Variants in PCBP2 observed in about 807,000 individuals in gnomAD.
PCBP2 encodes the protein poly(rC) binding protein 2, also known as poly(rC)-binding protein 2.
In PCBP2, 4 loss-of-function variants were observed where a neutral mutation model predicts 50.1. The observed-to-expected ratio is 0.08, with a 90% CI of 0.04 to 0.18. PCBP2 has a LOEUF of 0.18. Ranked by LOEUF, PCBP2 falls within the 10% of genes least tolerant of loss-of-function variation. PCBP2 has a pLI of 1.00. For missense variants in PCBP2, 161 were observed against 474.3 expected, an observed-to-expected ratio of 0.34 and a Z score of 6.14; for synonymous variants, 179 against 168.0, an observed-to-expected ratio of 1.07 and a Z score of -0.51.
chr12:53,457,789 T>G (rs1592640127), intron 5 of PCBP2, among the ~76,000 whole-genome samples: 1 of 152,194 alleles, frequency 6.6e-6, no homozygotes, highest in Non-Finnish European at 1.5e-5. Context: ...GCCTAGAGAT[T>G]AGGCTAATAA....
chr12:53,455,213 T>G, intron 2 of PCBP2, 134 bp from the exon 3 acceptor site: 1 of 806,402 alleles, frequency 1.2e-6, no homozygotes, highest in South Asian at 1.9e-5. Context: ...AGCAGTCTGT[T>G]GGCTAGACAG....
intron 5 of PCBP2, 64 bp downstream of exon 5, chr12:53,456,065 C>A: frequency 9.8e-7 from 1 of 1,019,468 alleles, no homozygotes; most frequent in Non-Finnish European, 1.5e-6. Flanking sequence ...TGTTGATTTT[C>A]TAAGAGCTTT....
intron 3 of PCBP2, 32 bp downstream of exon 3, chr12:53,455,402 A>G (rs773220319): frequency 1.4e-5 from 23 of 1,613,856 alleles, no homozygotes; most frequent in African/African-American, 2.7e-5. Flanking sequence ...TTCAATTACC[A>G]TTTAGTAATT....
At chr12:53,452,588 C>T (rs1426819700) in intron 1 of PCBP2, among the ~76,000 whole-genome samples, 1 of 151,650 alleles carries the variant, frequency 6.6e-6, no homozygotes, top group Non-Finnish European at 1.5e-5. Context: ...TTCCCCCCTC[C>T]CCCCGCCTTT....
At chr12:53,456,252 A>C (rs1420891698) in intron 5 of PCBP2, among the ~76,000 whole-genome samples, 1 of 152,080 alleles carries the variant, frequency 6.6e-6, no homozygotes, top group Non-Finnish European at 1.5e-5. Context: ...CAGATAAACG[A>C]GGTCAGGAGT....
intron 5 of PCBP2, among the ~76,000 whole-genome samples, chr12:53,458,117 C>T (rs371549213): frequency 3.2e-4 from 49 of 151,418 alleles, no homozygotes; most frequent in East Asian, 9.8e-4. Context: ...TTAGTAGAGA[C>T]GGGGCTTCAC....
chr12:53,452,731 C>T (rs990459965), intron 1 of PCBP2: 11 of 151,982 alleles, frequency 7.2e-5, no homozygotes, highest in Admixed American at 1.3e-4. Flanking sequence ...CGCGGCTCCC[C>T]GCGGGGGTCA....
intron 1 of PCBP2, among the ~76,000 whole-genome samples, chr12:53,452,600 C>T (rs1350805732): frequency 6.6e-5 from 10 of 151,584 alleles, no homozygotes; most frequent in Admixed American, 6.6e-4. Context: ...CCCGCCTTTT[C>T]CCGGTGGCGG....
intron 2 of PCBP2, among the ~76,000 whole-genome samples, 166 bp from the exon 3 acceptor site, chr12:53,455,181 T>TG (rs1592632754): frequency 6.6e-6 from 1 of 152,238 alleles, no homozygotes; most frequent in East Asian, 1.9e-4. Flanking sequence ...TCCAATCTTT[T>TG]GGGGTAATAA....
Position 53,459,253 on chromosome 12 carries a change from GTGT to G in PCBP2, c.244-17_244-15del. On this transcript the variant is annotated splice_polypyrimidine_tract_variant and intron_variant, in intron 5 of 14. Transcript: ENST00000546463. ...AGTTTCCAGGGATCTGCTTATTGTG[GTGT>G]TCTTTCTTTCTGTAGGACATAAGCA... The G allele has an allele frequency of 6.3e-7, 1 of 1,585,892 alleles. No individual in the cohort carries two copies. The highest frequency in any genetic ancestry group is 1.4e-5 in the African/African-American group (1 of 73,986).
intron 11 of PCBP2, 69 bp from the exon 12 acceptor site, chr12:53,467,736 A>AT (rs1941919263): frequency 1.6e-6 from 2 of 1,231,874 alleles, no homozygotes; most frequent in Admixed American, 4.1e-5. Context: ...GCTTTTCTGT[A>AT]TAAGGAATAA....
chr12:53,463,560 T>C (rs1249498559), intron 8 of PCBP2, among the ~76,000 whole-genome samples: 3 of 152,212 alleles, frequency 2.0e-5, no homozygotes, highest in Non-Finnish European at 4.4e-5. Context: ...ATGATTAAAA[T>C]ATGTGGGAGG....
chr12:53,464,166 T>C (rs1405434361), intron 8 of PCBP2, among the ~76,000 whole-genome samples: 1 of 152,142 alleles, frequency 6.6e-6, no homozygotes. Context: ...AGGTTCCTGC[T>C]CTTCTGGATT....
chr12:53,478,512 A>T (rs942511152), intron 14 of PCBP2, among the ~76,000 whole-genome samples: 2 of 151,776 alleles, frequency 1.3e-5, no homozygotes, highest in Admixed American at 1.3e-4. Flanking sequence ...AAAAATAAAT[A>T]AATAAATAAG....
At chr12:53,452,517 G>A (rs1017810482) in intron 1 of PCBP2, 141 bp downstream of exon 1, 1 of 151,440 alleles carries the variant, frequency 6.6e-6, no homozygotes, top group South Asian at 2.1e-4. Flanking sequence ...ACTGTGCCAG[G>A]CCGGTCATTC....
chr12:53,465,227 C>T (rs977358314), intron 9 of PCBP2, among the ~76,000 whole-genome samples: 2 of 151,982 alleles, frequency 1.3e-5, no homozygotes, highest in African/African-American at 4.8e-5. Context: ...TCCCTGTTCC[C>T]TTTTCCTTTC....
rs367928271 is a variant in PCBP2, at chr12:53,459,156, A to G, written c.244-116A>G. On this transcript the variant is annotated intron_variant, in intron 5 of 14. Transcript: ENST00000546463. Reference sequence around the variant, plus strand: ...TATTTGAACCTTTTGTCTATGGTGGATTATGACCTCGCATGTCCTAATAAG... The same window carrying G: ...TATTTGAACCTTTTGTCTATGGTGGGTTATGACCTCGCATGTCCTAATAAG... 4 of 790,028 alleles carry G rather than the reference A, an allele frequency of 5.1e-6. No homozygotes were observed. The East Asian group carries it at 1.2e-4, about 23-fold the overall frequency. The allele number at this position is 790,028 out of a possible 1,614,324, so 48.9% of individuals were successfully genotyped here.
chr12:53,475,917 G>A (rs1408542132), intron 14 of PCBP2: 3 of 152,174 alleles, frequency 2.0e-5, no homozygotes, highest in Admixed American at 2.0e-4. Context: ...CTAACAAGGT[G>A]TTCATCCCAG....
Position 53,480,389 on chromosome 12 carries a change from G to A in PCBP2, c.*947G>A, listed in dbSNP as rs534662042. The stretch of plus-strand genomic sequence containing the variant: ...AGAGTAGATGCAAAAAAGTGGAGGG[G>A]CAGGAGAACTTCTCCAGACACCTCA... On this transcript the variant is annotated 3_prime_UTR_variant, in exon 15 of 15. Coordinates refer to ENST00000546463, the MANE Select transcript of PCBP2 (RefSeq NM_031989.5). The A allele has an allele frequency of 6.0e-4, 91 of 152,486 alleles. No homozygotes were observed. Among genetic ancestry groups the A allele is most frequent in the African/African-American group, 2.0e-3 (83 of 41,552 alleles). The allele number at this position is 152,486 out of a possible 1,614,324, so 9.4% of individuals were successfully genotyped here.
Sources: allele counts gnomAD v4.1 joint callset (sites outside exome capture counted in the v4.1 genomes callset), GRCh38; gene constraint gnomAD v4.1.1; transcripts MANE v1.5; gene names NCBI Gene and HGNC (gene_info 2026-07-23, HGNC 2026-07-21).